The following SHCBP1 variants were observed in gnomAD, a reference collection of about 807,000 sequenced individuals.
The protein encoded by SHCBP1 is SHC SH2 domain-binding protein 1.
SHCBP1 carries 60 observed loss-of-function variants against 75.1 expected under a neutral mutation model. The observed-to-expected ratio is 0.80, with a 90% CI of 0.65 to 0.99. The LOEUF (loss-of-function observed/expected upper bound fraction) is 0.99. SHCBP1 is among the 50% of genes least tolerant of loss of function. The pLI is 0.00. For synonymous variants in SHCBP1, 290 were observed against 293.2 expected (o/e 0.99, Z 0.11); for missense variants, 709 against 809.4 (o/e 0.88, Z 1.50).
At chr16:46,588,891 T>G (rs1446256675) in intron 10 of SHCBP1, among the ~76,000 whole-genome samples, 2 of 152,168 alleles carry the variant, frequency 1.3e-5, no homozygotes, top group African/African-American at 4.8e-5. Context: ...TAGACCAATA[T>G]GCCTGATGAA....
chr16:46,618,374 TA>T lies in SHCBP1; in HGVS notation c.104-3del, dbSNP rs554722005. The T allele has an allele frequency of 0.049, 46,184 of 939,492 alleles. No homozygotes were observed. Among genetic ancestry groups the T allele is most frequent in the South Asian group, 0.1 (5,458 of 52,448 alleles). 58.2% of individuals were successfully genotyped at this position (939,492 alleles called of 1,614,324 possible). On this transcript the variant is annotated splice_polypyrimidine_tract_variant and splice_region_variant and intron_variant, in intron 1 of 12. Transcript: ENST00000303383. ...ATGAATCTTCATCTTGGAACAAACC[TA>T]AAAAAAAAAAGCAAAAATAAGCAAG...
chr16:46,588,569 T>A (rs1246814622), intron 10 of SHCBP1, among the ~76,000 whole-genome samples: 1 of 152,148 alleles, frequency 6.6e-6, no homozygotes, highest in African/African-American at 2.4e-5. Context: ...CTAGAAAATC[T>A]AGAAGAAATG....
chr16:46,617,555 A>G (rs746286181), intron 3 of SHCBP1, 79 bp downstream of exon 3: 28 of 1,060,466 alleles, frequency 2.6e-5, no homozygotes, highest in Non-Finnish European at 3.2e-5. Context: ...TTAATTAAAA[A>G]TAAGCACTTT....
At chr16:46,611,681 A>C (rs949122945) in intron 4 of SHCBP1, among the ~76,000 whole-genome samples, 2 of 152,194 alleles carry the variant, frequency 1.3e-5, no homozygotes, top group African/African-American at 4.8e-5. Flanking sequence ...TGTTTATATC[A>C]GTCAGCCTAT....
chr16:46,607,800 G>T (rs911699878), intron 5 of SHCBP1, among the ~76,000 whole-genome samples: 2 of 152,192 alleles, frequency 1.3e-5, no homozygotes, highest in African/African-American at 4.8e-5. Flanking sequence ...TCCTAAGGTA[G>T]ATCTGCTAGT....
intron 10 of SHCBP1, among the ~76,000 whole-genome samples, chr16:46,591,179 A>G (rs1965042510): frequency 6.6e-6 from 1 of 152,116 alleles, no homozygotes; most frequent in African/African-American, 2.4e-5. Context: ...GGGTGAGGGG[A>G]GCGGGGAGGG....
chr16:46,613,561 T>A lies in SHCBP1; in HGVS notation c.596+2385A>T, dbSNP rs140149547. 5.1e-4 allele frequency among the ~76,000 whole-genome samples: 77 copies of A among 152,216 alleles called. No individual in the cohort carries two copies. In the East Asian group the frequency reaches 0.015, roughly 29 times the overall value. ...TTAAACACACTGAGCTCCCAAATCT[T>A]TTCCCTTCCCCACCCCTGCCTCCCC... On this transcript the variant is annotated intron_variant, in intron 4 of 12. Transcript: ENST00000303383.
intron 8 of SHCBP1, among the ~76,000 whole-genome samples, chr16:46,602,806 T>C (rs1965261818): frequency 1.3e-5 from 2 of 152,044 alleles, no homozygotes; most frequent in African/African-American, 4.8e-5. Context: ...AATTTTTGTA[T>C]TTTTAGTACC....
chr16:46,608,097 C>T (rs17728589), intron 5 of SHCBP1, among the ~76,000 whole-genome samples, 200 bp downstream of exon 5: 6,957 of 152,206 alleles, frequency 0.046, 237 homozygotes, highest in Non-Finnish European at 0.074. Context: ...GTACAAGTTT[C>T]ATTTAATGAC....
At position 46,580,673 on chromosome 16, in the gene SHCBP1, A is replaced by G. The variant is rs1964856010; in HGVS notation, c.*1056T>C. 2 of 152,228 alleles carry G rather than the reference A, an allele frequency of 1.3e-5. No homozygotes were observed. Among genetic ancestry groups the G allele is most frequent in the South Asian group, 4.1e-4 (2 of 4,834 alleles). The allele number at this position is 152,228 out of a possible 1,614,324, so 9.4% of individuals were successfully genotyped here. A position where few individuals can be genotyped will look rare whatever the true frequency, so the allele number is the denominator to read the frequency against. The stretch of plus-strand genomic sequence containing the variant: ...ATGATAACAAGAACACCCAGCAGAT[A>G]CAGGTTGTACAGTTAATCATTTTGA... On this transcript the variant is annotated 3_prime_UTR_variant, in exon 13 of 13. Transcript: ENST00000303383.
In SHCBP1 at chr16:46,604,075, A is replaced by G. The variant is rs1965286837; in HGVS notation, c.992T>C (p.Ile331Thr). 1.9e-6 allele frequency: 3 copies of G among 1,614,138 alleles called. No individual in the cohort carries two copies. Among genetic ancestry groups the G allele is most frequent in the Non-Finnish European group, 2.5e-6 (3 of 1,179,988 alleles). Reference protein sequence around the residue: ...AKGVRSSGQKITHVVSSTMMA... With the variant: ...AKGVRSSGQKTTHVVSSTMMA... ...CATGGTGGAGGAGACCACATGAGTG[A>G]TCTTCTGACCGCTGGAACGGACACC... Residue 331 changes from isoleucine to threonine, a missense_variant, in exon 7 of 13, where the codon ATC (isoleucine) becomes ACC (threonine). Ile to Thr is a moderately conservative substitution (Grantham distance 89). Transcript: ENST00000303383.
At chr16:46,615,354 T>C (rs1303147077) in intron 4 of SHCBP1, among the ~76,000 whole-genome samples, 1 of 152,118 alleles carries the variant, frequency 6.6e-6, no homozygotes, top group Non-Finnish European at 1.5e-5. Flanking sequence ...TGGGGGGAGA[T>C]AGGCACCCCT....
chr16:46,611,607 GTC>G (rs1240797952), intron 4 of SHCBP1, among the ~76,000 whole-genome samples: 4 of 152,158 alleles, frequency 2.6e-5, no homozygotes, highest in African/African-American at 9.7e-5. Context: ...ATTGTTTGGG[GTC>G]TTTATTTAGA....
intron 8 of SHCBP1, 120 bp from the exon 9 acceptor site, chr16:46,600,082 T>A: frequency 8.8e-7 from 1 of 1,139,386 alleles, no homozygotes; most frequent in Non-Finnish European, 1.2e-6. Context: ...CAGTCAACCA[T>A]GTTGCATTTA....
rs542131877 is a variant in SHCBP1 at position 46,597,408 on chromosome 16, CA to C, written c.1346-1739del. Among the ~76,000 whole-genome samples the C allele has an allele frequency of 7.4e-3, 1,105 of 149,152 alleles. 14 individuals carry two copies. Among genetic ancestry groups the C allele is most frequent in the African/African-American group, 0.025 (1,026 of 40,734 alleles). On this transcript the variant is annotated intron_variant, in intron 9 of 12. Coordinates refer to ENST00000303383, the MANE Select transcript of SHCBP1 (RefSeq NM_024745.5). ...ATGACAGTGAGACTGTCTCTAAAAACAAAAAAAAATAAAAGTTGTGTTTATA... is the reference window on the plus strand; with the variant it reads ...ATGACAGTGAGACTGTCTCTAAAAACAAAAAAAATAAAAGTTGTGTTTATA...
At chr16:46,596,578 A>C (rs1965146911) in intron 9 of SHCBP1, among the ~76,000 whole-genome samples, 1 of 151,622 alleles carries the variant, frequency 6.6e-6, no homozygotes, top group African/African-American at 2.4e-5. Flanking sequence ...CACCACACCC[A>C]GCTAATTTTT....
At chr16:46,598,949 T>C (rs1333820980) in intron 9 of SHCBP1, among the ~76,000 whole-genome samples, 1 of 152,238 alleles carries the variant, frequency 6.6e-6, no homozygotes, top group Non-Finnish European at 1.5e-5. Flanking sequence ...CAGCTGCTAG[T>C]TTCAAACTCT....
At chr16:46,615,799 G>A in intron 4 of SHCBP1, 147 bp downstream of exon 4, 1 of 640,306 alleles carries the variant, frequency 1.6e-6, no homozygotes, top group Non-Finnish European at 2.7e-6. Context: ...ATTTAAAAAA[G>A]ATTATCCTAT....
chr16:46,597,706 A>G (rs1009908374), intron 9 of SHCBP1, among the ~76,000 whole-genome samples: 31 of 152,196 alleles, frequency 2.0e-4, no homozygotes, highest in Admixed American at 1.4e-3. Context: ...TAAGACAACA[A>G]TGAAGTTTGC....
Sources: gnomAD v4.1 joint callset for allele counts (sites outside exome capture counted in the v4.1 genomes callset) on GRCh38, gnomAD v4.1.1 for gene constraint, MANE v1.5 for transcripts, NCBI Gene and HGNC (gene_info 2026-07-23, HGNC 2026-07-21) for gene names.